PHF2: variants seen among roughly 807,000 people sequenced by gnomAD.
PHF2 encodes PHD finger protein 2, also known as lysine-specific demethylase PHF2.
A neutral mutation model predicts 120.5 loss-of-function variants in PHF2; 27 were observed. The ratio of observed to expected loss-of-function variants is 0.22; its 90% CI spans 0.17 to 0.31. PHF2 has a LOEUF of 0.31. Among genes scored for constraint, PHF2 ranks in the 10% least tolerant of loss-of-function variants. The pLI, the probability that PHF2 is intolerant of heterozygous loss-of-function variation, is 1.00. For missense variants in PHF2, 1,024 were observed against 1,434.8 expected (o/e 0.71, Z 4.63); for synonymous variants, 568 against 592.5 (o/e 0.96, Z 0.60).
chr9:93,632,950 C>T (rs1429648292), intron 2 of PHF2, among the ~76,000 whole-genome samples: 2 of 150,488 alleles, frequency 1.3e-5, no homozygotes, highest in Non-Finnish European at 3.0e-5. Context: ...CTATGATGCC[C>T]CAGTTGGTCT....
intron 17 of PHF2, chr9:93,671,067 G>T (rs10821195): frequency 1.0e-6 from 1 of 976,464 alleles, no homozygotes; most frequent in Non-Finnish European, 1.2e-6. Context: ...AGATGCAGGT[G>T]GGGGTGCAGG....
chr9:93,639,556 C>T (rs971054324), intron 3 of PHF2, among the ~76,000 whole-genome samples: 11 of 151,982 alleles, frequency 7.2e-5, no homozygotes, highest in Admixed American at 3.9e-4. Context: ...ATCTAGGTGA[C>T]CTGTATTTAT....
intron 1 of PHF2, among the ~76,000 whole-genome samples, chr9:93,603,085 T>G (rs889125794): frequency 6.6e-6 from 1 of 152,166 alleles, no homozygotes; most frequent in Non-Finnish European, 1.5e-5. Context: ...CTCAGGGCCC[T>G]GGGGCTTCAG....
At chr9:93,614,211 CAGCACAGGCTCTTTAAGT>C (rs1241256545) in intron 1 of PHF2, among the ~76,000 whole-genome samples, 2 of 152,224 alleles carry the variant, frequency 1.3e-5, no homozygotes, top group African/African-American at 2.4e-5. Context: ...GAAGTTAAAG[CAGCACAGGCTCTTTAAGT>C]AGCACAGGGT....
At chr9:93,577,793 A>G (rs1862859013) in intron 1 of PHF2, among the ~76,000 whole-genome samples, 1 of 152,116 alleles carries the variant, frequency 6.6e-6, no homozygotes, top group African/African-American at 2.4e-5. Flanking sequence ...CCCCATGCCT[A>G]GGGCAGGTCC....
In PHF2 at chr9:93,636,540, C is replaced by T; in HGVS notation, c.299+15C>T. On this transcript the variant is annotated intron_variant, in intron 3 of 21. Coordinates refer to ENST00000359246, the MANE Select transcript of PHF2 (RefSeq NM_005392.4). ...ACCTTTCCCAGGTGGGCTGGCCTTC[C>T]TGTATGCTCCACCACCTGCAGCCAG... 6.5e-7 allele frequency: 1 copy of T among 1,534,348 alleles called. No homozygotes were observed. Among genetic ancestry groups the T allele is most frequent in the Non-Finnish European group, 8.9e-7 (1 of 1,126,958 alleles).
In PHF2 at chr9:93,674,990, A is replaced by G; in HGVS notation, c.2690A>G (p.Lys897Arg). Reference sequence around the variant, plus strand: ...TTTAAGTCCCGGTCGAAGAAAAGGAAAGGCTCAGACGACGCTCCCTACAGC... The same window carrying G: ...TTTAAGTCCCGGTCGAAGAAAAGGAGAGGCTCAGACGACGCTCCCTACAGC... ...PIFKSRSKKR[K>R]GSDDAPYSPT... The change falls in exon 19 of 22, where the codon AAA (lysine) becomes AGA (arginine). Residue 897 changes from lysine to arginine, a missense_variant. Lys to Arg is a conservative substitution (Grantham distance 26). Transcript: ENST00000359246. 6.2e-7 allele frequency: 1 copy of G among 1,613,832 alleles called. No individual in the cohort carries two copies. Among genetic ancestry groups the G allele is most frequent in the Non-Finnish European group, 8.5e-7 (1 of 1,179,964 alleles).
chr9:93,656,352 A>G lies in PHF2; in HGVS notation c.1041-137A>G. ...CCCCGAGGTCTGCAGCCACCAGGGC[A>G]GTTTTCCCCTGGTCCTCCTCAGCTA... On this transcript the variant is annotated intron_variant, in intron 8 of 21. Transcript: ENST00000359246. The surrounding 1 kb of genome is among the most constrained non-coding windows in gnomAD (Gnocchi z 4.1). 1 of 668,496 alleles carries G rather than the reference A, an allele frequency of 1.5e-6. No homozygotes were observed. Among genetic ancestry groups the G allele is most frequent in the South Asian group, 1.8e-5 (1 of 55,818 alleles). 41.4% of individuals were successfully genotyped at this position (668,496 alleles called of 1,614,324 possible). A position where few individuals can be genotyped will look rare whatever the true frequency, so the allele number is the denominator to read the frequency against.
chr9:93,665,710 G>C lies in PHF2; in HGVS notation c.1962G>C (p.Thr654=). ...GCTCCAAGGCTCTCAGGCCCCCGAC[G>C]AGCCCTGGTGTGTTCGGGGCCTTGC... ...LLGSKALRPP[T]SPGVFGALQN... is the part of the protein sequence containing the mutation. The change falls in exon 15 of 22, where the codon ACG becomes ACC. Residue 654 remains threonine (T), a synonymous_variant. Coordinates refer to ENST00000359246, the MANE Select transcript of PHF2 (RefSeq NM_005392.4). 1 of 1,613,846 alleles carries C rather than the reference G, an allele frequency of 6.2e-7. No individual in the cohort carries two copies. Among genetic ancestry groups the C allele is most frequent in the Non-Finnish European group, 8.5e-7 (1 of 1,179,990 alleles).
intron 1 of PHF2, among the ~76,000 whole-genome samples, chr9:93,612,490 G>T (rs181848064): frequency 2.0e-4 from 31 of 152,364 alleles, no homozygotes; most frequent in Admixed American, 7.8e-4. Flanking sequence ...ACATTGCACA[G>T]CTTCTCATAT....
chr9:93,658,839 G>A (rs1054389030), intron 10 of PHF2, among the ~76,000 whole-genome samples: 4 of 152,162 alleles, frequency 2.6e-5, no homozygotes, highest in African/African-American at 4.8e-5. Flanking sequence ...CATCCTGTGC[G>A]CGCCCCCACA....
At position 93,621,648 on chromosome 9, in the gene PHF2, C is replaced by A. The variant is rs1334053638; in HGVS notation, c.99-8322C>A. On this transcript the variant is annotated intron_variant, in intron 1 of 21. Coordinates refer to ENST00000359246, the MANE Select transcript of PHF2 (RefSeq NM_005392.4). ...CCAGGTGTGAGGACTGGATCCCCAC[C>A]TGACCTTTGTGCCTCTGAGTCCTTG... Among the ~76,000 whole-genome samples the A allele has an allele frequency of 2.6e-5, 4 of 152,224 alleles. No homozygotes were observed. The East Asian group carries it at 7.7e-4, about 29-fold the overall frequency.
Position 93,659,543 on chromosome 9 carries a change from G to A in PHF2, c.1272G>A (p.Glu424=), listed in dbSNP as rs779475781. The change falls in exon 11 of 22, where the codon GAG becomes GAA. Residue 424 remains glutamate (E), a synonymous_variant. Coordinates refer to ENST00000359246, the MANE Select transcript of PHF2 (RefSeq NM_005392.4). The part of the protein sequence containing the change: ...ALAEHEDELP[E]HFKPSQLIKD... The stretch of plus-strand genomic sequence containing the variant: ...CAGAGCATGAGGACGAGCTCCCGGA[G>A]CACTTCAAACCTTCACAGCTAATCA... The A allele has an allele frequency of 8.7e-6, 14 of 1,614,014 alleles. No homozygotes were observed. In the Admixed American group the frequency reaches 2.3e-4, roughly 27 times the overall value.
intron 1 of PHF2, among the ~76,000 whole-genome samples, chr9:93,589,345 C>T (rs1036300000): frequency 7.9e-5 from 12 of 151,996 alleles, no homozygotes; most frequent in Non-Finnish European, 1.2e-4. Context: ...AGCCTCTGCA[C>T]GGCTGACGTC....
chr9:93,676,921 C>T lies in PHF2; in HGVS notation c.3160C>T (p.Arg1054Trp), dbSNP rs763672365. 32 of 1,575,024 alleles carry T rather than the reference C, an allele frequency of 2.0e-5. No homozygotes were observed. Among genetic ancestry groups the T allele is most frequent in the South Asian group, 4.6e-5 (4 of 86,686 alleles). ...CCCTGGGGTCTTTCTCACACAGAGG[C>T]GGCCCTCCGCATCGTCTCCAAACAA... ...MAPGVFLTQRRPSASSPNNNT... is the reference protein window; with the variant it reads ...MAPGVFLTQRWPSASSPNNNT... The change falls in exon 21 of 22, where the codon CGG becomes TGG. Residue 1054 changes from arginine to tryptophan, a missense_variant. By Grantham distance (101) the Arg-to-Trp change is moderately radical (BLOSUM62 -3). This residue lies in a region of PHF2 where 677 missense variants were observed against 857.4 expected (regional missense o/e 0.79). Transcript: ENST00000359246.
At chr9:93,647,045 TGA>T (rs1391235550) in intron 4 of PHF2, among the ~76,000 whole-genome samples, 1 of 152,144 alleles carries the variant, frequency 6.6e-6, no homozygotes, top group East Asian at 1.9e-4. Flanking sequence ...CAGGTTTGCC[TGA>T]GAGGGGGCCA....
chr9:93,664,526 G>T (rs1176531671), intron 14 of PHF2, among the ~76,000 whole-genome samples: 1 of 152,334 alleles, frequency 6.6e-6, no homozygotes, highest in African/African-American at 2.4e-5. Context: ...TGGCCAGGTT[G>T]TAGTTTCCTC....
Position 93,628,914 on chromosome 9 carries a change from TGAGATG to T in PHF2, c.99-1052_99-1047del, listed in dbSNP as rs796644417. Among the ~76,000 whole-genome samples the T allele has an allele frequency of 1.9e-3, 291 of 152,304 alleles. 2 individuals carry two copies. The highest frequency in any genetic ancestry group is 6.6e-3 in the African/African-American group (276 of 41,552). On this transcript the variant is annotated intron_variant, in intron 1 of 21. Transcript: ENST00000359246. ...ATTCTCACGTCACTTTTTTTTTGTT[TGAGATG>T]GAGTCTCATTCTGTTGCCCAGGCTG...
chr9:93,672,989 G>C (rs1041836943), intron 17 of PHF2, among the ~76,000 whole-genome samples: 1 of 151,670 alleles, frequency 6.6e-6, no homozygotes, highest in African/African-American at 2.4e-5. Context: ...TGCATGTATG[G>C]GTGTAGGTGC....
Sources: allele counts gnomAD v4.1 joint callset (sites outside exome capture counted in the v4.1 genomes callset), GRCh38; gene constraint gnomAD v4.1.1; regional missense constraint gnomAD v4.1.1; non-coding constraint Gnocchi (gnomAD v3.1); transcripts MANE v1.5; gene names NCBI Gene and HGNC (gene_info 2026-07-23, HGNC 2026-07-21).